COL22A1: variants seen among roughly 807,000 people sequenced by gnomAD.
COL22A1 encodes collagen type XXII alpha 1 chain.
Under a neutral mutation model 248.9 loss-of-function variants are expected in COL22A1, and 221 were observed. That is an observed-to-expected ratio of 0.89 (90% CI 0.80 to 0.99). COL22A1 has a LOEUF of 0.99. COL22A1 is among the 50% of genes least tolerant of loss of function. COL22A1 has a pLI of 0.00. For synonymous variants in COL22A1, 891 were observed against 793.4 expected (o/e 1.12, Z -2.07); for missense variants, 2,240 against 2,179.0 (o/e 1.03, Z -0.56).
At chr8:138,717,223 C>T (rs1263853726) in intron 27 of COL22A1, among the ~76,000 whole-genome samples, 1 of 152,138 alleles carries the variant, frequency 6.6e-6, no homozygotes, top group East Asian at 1.9e-4. Context: ...TCTCGGCTCA[C>T]TGCAAGCTCT....
chr8:138,597,954 G>A (rs1056622321), intron 61 of COL22A1, among the ~76,000 whole-genome samples: 13 of 152,146 alleles, frequency 8.5e-5, no homozygotes, highest in East Asian at 1.9e-4. Flanking sequence ...AGGAACTGAC[G>A]CGACTGCAGA....
intron 4 of COL22A1, among the ~76,000 whole-genome samples, chr8:138,839,781 C>A (rs1820737173): frequency 6.6e-6 from 1 of 152,208 alleles, no homozygotes; most frequent in Admixed American, 6.5e-5. Context: ...CTGCACATGC[C>A]TAACATATGC....
chr8:138,800,099 A>ACTGGGAG (rs1382204344), intron 11 of COL22A1, among the ~76,000 whole-genome samples: 1 of 152,184 alleles, frequency 6.6e-6, no homozygotes, highest in Admixed American at 6.5e-5. Flanking sequence ...CTGCTCTGGA[A>ACTGGGAG]CTGGGAGCTG....
At chr8:138,905,983 G>A (rs1814973312) in intron 1 of COL22A1, among the ~76,000 whole-genome samples, 1 of 152,144 alleles carries the variant, frequency 6.6e-6, no homozygotes, top group South Asian at 2.1e-4. Context: ...CCTCAGTGAA[G>A]ACTTCGCTGA....
chr8:138,767,018 G>A (rs942477431), intron 16 of COL22A1, among the ~76,000 whole-genome samples: 3 of 152,196 alleles, frequency 2.0e-5, no homozygotes, highest in Admixed American at 6.5e-5. Flanking sequence ...TTAACCGCAC[G>A]ACTCAGATCC....
In COL22A1 at chr8:138,676,598, C is replaced by T; in HGVS notation, c.3110G>A (p.Gly1037Asp). Reference sequence around the variant, plus strand: ...CCCAATGCCTGGGTCACCACGGCTGCCAGGAGAACCAGGGATCCCAGGAGC... The same window carrying T: ...CCCAATGCCTGGGTCACCACGGCTGTCAGGAGAACCAGGGATCCCAGGAGC... ...RGAPGIPGSP[G>D]SRGDPGIGVA... Residue 1037 changes from glycine (G) to aspartate (D), a missense_variant, in exon 41 of 65, where the codon GGC (glycine) becomes GAC (aspartate). Physicochemically the swap from Gly to Asp is moderately conservative, Grantham distance 94 (BLOSUM62 -1). Coordinates refer to ENST00000303045, the MANE Select transcript of COL22A1 (RefSeq NM_152888.3). 1.3e-6 allele frequency: 2 copies of T among 1,568,376 alleles called. No individual in the cohort carries two copies. Among genetic ancestry groups the T allele is most frequent in the East Asian group, 2.3e-5 (1 of 43,080 alleles).
chr8:138,798,341 G>T (rs1000967571), intron 11 of COL22A1, among the ~76,000 whole-genome samples: 3 of 151,644 alleles, frequency 2.0e-5, no homozygotes, highest in African/African-American at 7.3e-5. Context: ...TCCCACTTTT[G>T]TTCCTTTATT....
intron 37 of COL22A1, 111 bp from the exon 38 acceptor site, chr8:138,685,423 T>C (rs1285486001): frequency 1.2e-6 from 1 of 804,448 alleles, no homozygotes; most frequent in South Asian, 1.5e-5. Context: ...CCTTTATGAT[T>C]TTAGAAGGCC....
At chr8:138,796,202 A>G (rs1816505827) in intron 12 of COL22A1, among the ~76,000 whole-genome samples, 5 of 152,058 alleles carry the variant, frequency 3.3e-5, no homozygotes, top group Admixed American at 6.5e-5. Flanking sequence ...GAGGAATCCC[A>G]TATTTCCCAG....
At chr8:138,721,562 T>C (rs1270578005) in intron 26 of COL22A1, among the ~76,000 whole-genome samples, 1 of 152,144 alleles carries the variant, frequency 6.6e-6, no homozygotes, top group Non-Finnish European at 1.5e-5. Context: ...TCCTTGAAAA[T>C]AAAATAAATA....
chr8:138,697,359 G>A (rs185668521), intron 32 of COL22A1, among the ~76,000 whole-genome samples: 1 of 152,248 alleles, frequency 6.6e-6, no homozygotes, highest in East Asian at 1.9e-4. Flanking sequence ...GAATCAGGCC[G>A]GTTGGACAGA....
chr8:138,610,788 C>T (rs1211208523), intron 56 of COL22A1, among the ~76,000 whole-genome samples: 10 of 152,220 alleles, frequency 6.6e-5, no homozygotes, highest in Non-Finnish European at 1.0e-4. Flanking sequence ...TTCCAGCCAA[C>T]CATGGTGGCT....
intron 52 of COL22A1, among the ~76,000 whole-genome samples, chr8:138,620,987 AT>A (rs1262703718): frequency 0.015 from 2,001 of 136,020 alleles, 44 homozygotes; most frequent in African/African-American, 0.048. Context: ...CCATCCATCC[AT>A]CCATCCACCC....
intron 30 of COL22A1, among the ~76,000 whole-genome samples, chr8:138,703,804 T>A (rs1003250860): frequency 2.6e-5 from 4 of 151,962 alleles, no homozygotes; most frequent in African/African-American, 9.7e-5. Context: ...GCCCACGGAG[T>A]GTGAGCCAAA....
chr8:138,815,245 C>T (rs11166848), intron 7 of COL22A1, among the ~76,000 whole-genome samples: 1 of 152,002 alleles, frequency 6.6e-6, no homozygotes, highest in Non-Finnish European at 1.5e-5. Context: ...ATACATTGCA[C>T]AGACAGCTAA....
intron 35 of COL22A1, 79 bp downstream of exon 35, chr8:138,693,567 A>C (rs1827253105): frequency 7.1e-7 from 1 of 1,416,174 alleles, no homozygotes; most frequent in African/African-American, 1.4e-5. Flanking sequence ...CAGAGCTGTG[A>C]GCCATAGAGC....
chr8:138,757,221 C>T (rs1218435526), intron 18 of COL22A1, among the ~76,000 whole-genome samples: 1 of 152,184 alleles, frequency 6.6e-6, no homozygotes, highest in East Asian at 1.9e-4. Flanking sequence ...CATCTCCAAA[C>T]AGAGTCAGAT....
chr8:138,594,350 C>T, intron 62 of COL22A1, 151 bp from the exon 63 acceptor site: 1 of 620,568 alleles, frequency 1.6e-6, no homozygotes, highest in Non-Finnish European at 2.7e-6. Flanking sequence ...CAACTCAGAA[C>T]CAAGGGGCCG....
At chr8:138,602,510 G>A (rs1342627132) in intron 59 of COL22A1, among the ~76,000 whole-genome samples, 1 of 152,178 alleles carries the variant, frequency 6.6e-6, no homozygotes, top group Non-Finnish European at 1.5e-5. Flanking sequence ...TGCCCTGGAT[G>A]ACTCTAGTGC....
Sources: allele counts gnomAD v4.1 joint callset (sites outside exome capture counted in the v4.1 genomes callset), GRCh38; gene constraint gnomAD v4.1.1; transcripts MANE v1.5; gene names NCBI Gene and HGNC (gene_info 2026-07-23, HGNC 2026-07-21).